Variants in FSHR observed in about 807,000 individuals in gnomAD.
The protein encoded by FSHR is follicle-stimulating hormone receptor.
In FSHR, 46 loss-of-function variants were observed where a neutral mutation model predicts 52.1. That is an observed-to-expected ratio of 0.88 (90% CI 0.70 to 1.13). The LOEUF (loss-of-function observed/expected upper bound fraction) is 1.13. FSHR is among the 50% of genes most tolerant of loss of function. The probability of loss-of-function intolerance (pLI) is 0.00; values close to 1 mark genes in which losing one functional copy is unlikely to be tolerated. For missense variants in FSHR, 964 were observed against 834.6 expected (o/e 1.16, Z -1.91); for synonymous variants, 399 against 309.6 (o/e 1.29, Z -3.03).
intron 4 of FSHR, among the ~76,000 whole-genome samples, chr2:49,012,648 A>C (rs1045654567): frequency 6.6e-6 from 1 of 152,150 alleles, no homozygotes; most frequent in Non-Finnish European, 1.5e-5. Context: ...TGTGATGATT[A>C]ACATTTATCC....
At chr2:49,119,366 G>A (rs1558451469) in intron 1 of FSHR, among the ~76,000 whole-genome samples, 3 of 151,936 alleles carry the variant, frequency 2.0e-5, no homozygotes, top group Non-Finnish European at 2.9e-5. Context: ...GCTGAGACAA[G>A]AAGGATCATC....
intron 1 of FSHR, among the ~76,000 whole-genome samples, chr2:49,084,527 A>C (rs1670301300): frequency 6.6e-6 from 1 of 152,224 alleles, no homozygotes; most frequent in African/African-American, 2.4e-5. Flanking sequence ...GAGACAAAAA[A>C]ACCTTTCAAA....
intron 1 of FSHR, among the ~76,000 whole-genome samples, chr2:49,153,737 C>T (rs1673143068): frequency 6.6e-6 from 1 of 152,114 alleles, no homozygotes; most frequent in East Asian, 1.9e-4. Flanking sequence ...TCTTTCTTCA[C>T]ACCTTTTCTC....
intron 2 of FSHR, among the ~76,000 whole-genome samples, chr2:49,049,560 C>A (rs1269381515): frequency 6.6e-6 from 1 of 152,026 alleles, no homozygotes; most frequent in Non-Finnish European, 1.5e-5. Context: ...CATATCTGTG[C>A]TCTACCAAGC....
chr2:49,095,553 G>A (rs923278580), intron 1 of FSHR, among the ~76,000 whole-genome samples: 3 of 152,124 alleles, frequency 2.0e-5, no homozygotes, highest in South Asian at 2.1e-4. Context: ...AAATATATGT[G>A]ACCTTGGATT....
intron 1 of FSHR, among the ~76,000 whole-genome samples, chr2:49,105,737 C>T (rs543151300): frequency 1.1e-4 from 16 of 152,248 alleles, no homozygotes; most frequent in East Asian, 3.9e-4. Flanking sequence ...CAGCTGCCTG[C>T]AAGCTGCCCC....
At chr2:48,968,073 C>T (rs1286685932) in intron 9 of FSHR, among the ~76,000 whole-genome samples, 1 of 152,164 alleles carries the variant, frequency 6.6e-6, no homozygotes, top group South Asian at 2.1e-4. Context: ...TCTATGATTA[C>T]CTCACTTTTT....
intron 1 of FSHR, among the ~76,000 whole-genome samples, chr2:49,108,294 G>C (rs2103744956): frequency 6.6e-6 from 1 of 152,234 alleles, no homozygotes; most frequent in South Asian, 2.1e-4. Context: ...GCAGATTGTA[G>C]ATTGTGAGAC....
chr2:49,145,406 AG>A (rs1672835674), intron 1 of FSHR, among the ~76,000 whole-genome samples: 1 of 152,110 alleles, frequency 6.6e-6, no homozygotes, highest in Non-Finnish European at 1.5e-5. Flanking sequence ...CTAGCTTTAA[AG>A]CAATGGAGTA....
chr2:49,137,079 C>G (rs566608061), intron 1 of FSHR, among the ~76,000 whole-genome samples: 145 of 152,156 alleles, frequency 9.5e-4, no homozygotes, highest in African/African-American at 3.5e-3. Flanking sequence ...ATTCTATTCA[C>G]AGATGATATA....
chr2:49,093,438 C>G (rs893917303), intron 1 of FSHR, among the ~76,000 whole-genome samples: 1 of 151,936 alleles, frequency 6.6e-6, no homozygotes, highest in Admixed American at 6.6e-5. Context: ...CTGCAATGTC[C>G]CTCTTTTTTC....
intron 6 of FSHR, among the ~76,000 whole-genome samples, chr2:48,985,959 C>T (rs564270981): frequency 4.0e-5 from 6 of 151,890 alleles, no homozygotes; most frequent in Admixed American, 3.3e-4. Context: ...ATGATCCACC[C>T]GCCTCGGCCT....
Position 48,963,278 on chromosome 2 carries a change from T to C in FSHR, c.1543A>G (p.Ser515Gly). ...TCAATATCCATGGGCAGGCAGATGC[T>C]CACCTTCATGTAGCTGCTGATGCCA... ...IFGISSYMKV[S>G]ICLPMDIDSP... The change falls in exon 10 of 10, where the codon AGC (serine) becomes GGC (glycine). Residue 515 changes from serine to glycine, a missense_variant. Coordinates refer to ENST00000406846, the MANE Select transcript of FSHR (RefSeq NM_000145.4). 3.1e-6 allele frequency: 5 copies of C among 1,614,088 alleles called. No individual in the cohort carries two copies. Among genetic ancestry groups the C allele is most frequent in the Non-Finnish European group, 4.2e-6 (5 of 1,180,016 alleles).
chr2:49,051,788 A>T (rs1202578927), intron 2 of FSHR, among the ~76,000 whole-genome samples: 1 of 143,538 alleles, frequency 7.0e-6, no homozygotes, highest in African/African-American at 2.9e-5. Context: ...CCTGATTGTA[A>T]AATATTTTTC....
chr2:49,152,632 C>T (rs1159829090), intron 1 of FSHR, among the ~76,000 whole-genome samples: 1 of 151,968 alleles, frequency 6.6e-6, no homozygotes, highest in African/African-American at 2.4e-5. Context: ...GTGAAATCAC[C>T]CTAAAATTAA....
rs565321475 is a variant in FSHR, at chr2:49,113,185, C to T, written c.152+41081G>A. On this transcript the variant is annotated intron_variant, in intron 1 of 9. Transcript: ENST00000406846. ...CCTTGAGCAGATGGCACAGCACCTC[C>T]AGACATGTGGGGCTCCAAGTCCCCA... Among the ~76,000 whole-genome samples the T allele has an allele frequency of 1.6e-4, 25 of 152,294 alleles. No homozygotes were observed. In the East Asian group the frequency reaches 3.9e-3, roughly 24 times the overall value.
At chr2:49,119,858 G>A (rs558356793) in intron 1 of FSHR, among the ~76,000 whole-genome samples, 180 of 152,318 alleles carry the variant, frequency 1.2e-3, no homozygotes, top group African/African-American at 4.0e-3. Flanking sequence ...TTGCCCATCT[G>A]CAAACTGGGA....
intron 1 of FSHR, among the ~76,000 whole-genome samples, chr2:49,091,467 C>G (rs1670605002): frequency 6.6e-6 from 1 of 151,970 alleles, no homozygotes; most frequent in African/African-American, 2.4e-5. Context: ...CCATGCCTGG[C>G]TATATTTTTT....
At chr2:49,112,498 T>C (rs1311958813) in intron 1 of FSHR, among the ~76,000 whole-genome samples, 3 of 152,218 alleles carry the variant, frequency 2.0e-5, no homozygotes, top group Admixed American at 6.5e-5. Context: ...GGGGTTATTA[T>C]GTTATTTGCT....
Sources: gnomAD v4.1 joint callset for allele counts (sites outside exome capture counted in the v4.1 genomes callset) on GRCh38, gnomAD v4.1.1 for gene constraint, MANE v1.5 for transcripts, NCBI Gene and HGNC (gene_info 2026-07-23, HGNC 2026-07-21) for gene names.